SCAI: variants seen among roughly 807,000 people sequenced by gnomAD.
SCAI encodes the protein suppressor of cancer cell invasion.
SCAI carries 24 observed loss-of-function variants against 92.2 expected under a neutral mutation model. That is an observed-to-expected ratio of 0.26 (90% CI 0.19 to 0.37). SCAI has a LOEUF of 0.37. SCAI is among the 10% of genes least tolerant of loss of function. The pLI is 1.00. For missense variants in SCAI, 450 were observed against 736.2 expected (o/e 0.61, Z 4.50); for synonymous variants, 261 against 258.6 (o/e 1.01, Z -0.09).
At chr9:124,957,080 C>T (rs1831327621) in intron 17 of SCAI, among the ~76,000 whole-genome samples, 1 of 151,708 alleles carries the variant, frequency 6.6e-6, no homozygotes, top group African/African-American at 2.4e-5. Flanking sequence ...TAGCCTTGAC[C>T]TCCCAGGCTC....
At chr9:125,003,381 C>T (rs1832405341) in intron 10 of SCAI, 88 bp downstream of exon 10, 2 of 1,031,136 alleles carry the variant, frequency 1.9e-6, no homozygotes, top group African/African-American at 3.2e-5. Flanking sequence ...TTATTCAAGG[C>T]TGTAGTATCT....
intron 2 of SCAI, among the ~76,000 whole-genome samples, chr9:125,087,069 T>C (rs1246280305): frequency 6.6e-6 from 1 of 152,104 alleles, no homozygotes; most frequent in African/African-American, 2.4e-5. Context: ...CTAGGACATA[T>C]GGTCACCCTA....
At chr9:125,015,145 C>A (rs967519325) in intron 9 of SCAI, among the ~76,000 whole-genome samples, 99 of 152,244 alleles carry the variant, frequency 6.5e-4, no homozygotes, top group African/African-American at 2.4e-3. Context: ...GTCTAAAACA[C>A]CAAAAGCAAT....
chr9:125,075,900 G>A (rs975417714), intron 2 of SCAI, among the ~76,000 whole-genome samples: 37 of 151,922 alleles, frequency 2.4e-4, no homozygotes, highest in Non-Finnish European at 2.2e-4. Flanking sequence ...GTTTCACCAC[G>A]TTGGCCAGGC....
rs540120883 is a variant in SCAI at position 125,003,604 on chromosome 9, C to T, written c.862-34G>A. ...AAAAAAAAAACAAACACAACCTAGCCTTAATGCAACACGCAGACTTTAAAG... is the reference window on the plus strand; with the variant it reads ...AAAAAAAAAACAAACACAACCTAGCTTTAATGCAACACGCAGACTTTAAAG... On this transcript the variant is annotated intron_variant, in intron 9 of 17. Coordinates refer to ENST00000336505, the MANE Select transcript of SCAI (RefSeq NM_001144877.3). 30 of 1,302,144 alleles carry T rather than the reference C, an allele frequency of 2.3e-5. No homozygotes were observed. In the South Asian group the frequency reaches 3.4e-4, roughly 15 times the overall value. The allele number at this position is 1,302,144 out of a possible 1,614,324, so 80.7% of individuals were successfully genotyped here. A position where few individuals can be genotyped will look rare whatever the true frequency, so the allele number is the denominator to read the frequency against.
intron 9 of SCAI, among the ~76,000 whole-genome samples, chr9:125,012,307 C>T (rs980944789): frequency 1.8e-4 from 27 of 152,068 alleles, no homozygotes; most frequent in African/African-American, 6.3e-4. Flanking sequence ...CAGAGACACA[C>T]ATAGGCTCAA....
At chr9:125,063,034 A>G (rs1393603164) in intron 2 of SCAI, among the ~76,000 whole-genome samples, 1 of 151,484 alleles carries the variant, frequency 6.6e-6, no homozygotes, top group African/African-American at 2.4e-5. Flanking sequence ...AAAAAAAAAA[A>G]AAAATGTAAA....
In SCAI at chr9:124,990,818, G is replaced by A. The variant is rs148330594; in HGVS notation, c.1326+4116C>T. ...GGGTTGCAACAAAAAGTGGGAGACT[G>A]CTGTTTTTAGTAGCAAATCTGGAGG... is the stretch of plus-strand genomic sequence containing the variant. On this transcript the variant is annotated intron_variant, in intron 14 of 17. Transcript: ENST00000336505. Among the ~76,000 whole-genome samples, 13 of 152,278 alleles carry A rather than the reference G, an allele frequency of 8.5e-5. No homozygotes were observed. In the East Asian group the frequency reaches 2.5e-3, roughly 29 times the overall value.
At chr9:125,057,704 AG>A (rs2131139644) in intron 2 of SCAI, among the ~76,000 whole-genome samples, 1 of 152,304 alleles carries the variant, frequency 6.6e-6, no homozygotes, top group East Asian at 1.9e-4. Flanking sequence ...ATGAGGGTGG[AG>A]GACTGGCAGG....
At chr9:125,074,862 G>A (rs1269038438) in intron 2 of SCAI, among the ~76,000 whole-genome samples, 1 of 151,924 alleles carries the variant, frequency 6.6e-6, no homozygotes, top group Non-Finnish European at 1.5e-5. Flanking sequence ...AAATTAGCCA[G>A]GCATGGTGGT....
intron 2 of SCAI, among the ~76,000 whole-genome samples, chr9:125,066,479 G>A (rs981331828): frequency 8.2e-5 from 12 of 146,652 alleles, no homozygotes; most frequent in Admixed American, 1.4e-4. Context: ...TTTTTGAGAC[G>A]GAGTCTCGCT....
In SCAI at chr9:124,949,808, T is replaced by C. The variant is rs1831205057; in HGVS notation, c.*2999A>G. 1 of 152,238 alleles carries C rather than the reference T, an allele frequency of 6.6e-6. No individual in the cohort carries two copies. Among genetic ancestry groups the C allele is most frequent in the Admixed American group, 6.5e-5 (1 of 15,282 alleles). The allele number at this position is 152,238 out of a possible 1,614,324, so 9.4% of individuals were successfully genotyped here. A position where few individuals can be genotyped will look rare whatever the true frequency, so the allele number is the denominator to read the frequency against. On this transcript the variant is annotated 3_prime_UTR_variant, in exon 18 of 18. Coordinates refer to ENST00000336505, the MANE Select transcript of SCAI (RefSeq NM_001144877.3). The surrounding 1 kb of genome is among the most constrained non-coding windows in gnomAD (Gnocchi z 4.0). ...GAACATGAGGATTTTTAAGTCTATTTTGTTTGCTTCCCCAATGCCCAGAAG... is the reference window on the plus strand; with the variant it reads ...GAACATGAGGATTTTTAAGTCTATTCTGTTTGCTTCCCCAATGCCCAGAAG...
At chr9:124,973,756 A>G (rs1357213643) in intron 15 of SCAI, among the ~76,000 whole-genome samples, 3 of 152,138 alleles carry the variant, frequency 2.0e-5, no homozygotes, top group African/African-American at 7.2e-5. Context: ...TGAACTTGGG[A>G]GGCAGAGGTT....
At chr9:125,046,597 C>A (rs1833448858) in intron 3 of SCAI, among the ~76,000 whole-genome samples, 1 of 149,764 alleles carries the variant, frequency 6.7e-6, no homozygotes. Flanking sequence ...ACATTGGGTA[C>A]AGTGTATATT....
At chr9:124,989,963 T>G (rs1832084556) in intron 14 of SCAI, among the ~76,000 whole-genome samples, 1 of 151,410 alleles carries the variant, frequency 6.6e-6, no homozygotes, top group African/African-American at 2.4e-5. Flanking sequence ...TCATCTGAGC[T>G]CAGGAGTTCG....
At chr9:125,093,892 T>C (rs1159898244) in intron 2 of SCAI, among the ~76,000 whole-genome samples, 2 of 152,116 alleles carry the variant, frequency 1.3e-5, no homozygotes, top group African/African-American at 4.8e-5. Context: ...ATCTACACAC[T>C]GGACTTCTCC....
chr9:125,140,521 T>G (rs144965593), intron 2 of SCAI, among the ~76,000 whole-genome samples: 4 of 151,784 alleles, frequency 2.6e-5, no homozygotes, highest in Non-Finnish European at 5.9e-5. Context: ...AAGTAAGACT[T>G]TGTCTCAGGA....
intron 6 of SCAI, among the ~76,000 whole-genome samples, chr9:125,025,405 C>CAATT (rs1243744618): frequency 6.6e-6 from 1 of 152,174 alleles, no homozygotes; most frequent in African/African-American, 2.4e-5. Context: ...AGGTTAAAGC[C>CAATT]AATTTCCCTT....
intron 2 of SCAI, among the ~76,000 whole-genome samples, chr9:125,068,155 C>A (rs2131157065): frequency 6.6e-6 from 1 of 152,236 alleles, no homozygotes; most frequent in Middle Eastern, 3.4e-3. Flanking sequence ...TGATTTTAAC[C>A]AAAAATAACT....
Sources: allele counts gnomAD v4.1 joint callset (sites outside exome capture counted in the v4.1 genomes callset), GRCh38; gene constraint gnomAD v4.1.1; non-coding constraint Gnocchi (gnomAD v3.1); transcripts MANE v1.5; gene names NCBI Gene and HGNC (gene_info 2026-07-23, HGNC 2026-07-21).